Variants in NAALAD2 observed in about 807,000 individuals in gnomAD.
The protein encoded by NAALAD2 is N-acetylated-alpha-linked acidic dipeptidase 2.
In NAALAD2, 89 loss-of-function variants were observed where a neutral mutation model predicts 95.6. That is an observed-to-expected ratio of 0.93 (90% confidence interval 0.78 to 1.11). The LOEUF (loss-of-function observed/expected upper bound fraction) is 1.11, where lower values mean the gene tolerates loss of function less well. NAALAD2 is among the 50% of genes least tolerant of loss of function. The pLI is 0.00. For missense variants in NAALAD2, 894 were observed against 872.4 expected, an observed-to-expected ratio of 1.02 and a Z score of -0.31; for synonymous variants, 264 against 294.4, an observed-to-expected ratio of 0.90 and a Z score of 1.06.
intron 7 of NAALAD2, 137 bp from the exon 8 acceptor site, chr11:90,159,102 C>G: frequency 1.4e-6 from 1 of 690,388 alleles, no homozygotes; most frequent in Non-Finnish European, 2.5e-6. Context: ...AAAGGGCGGG[C>G]TTTTTGACAG....
chr11:90,150,609 T>G lies in NAALAD2; in HGVS notation c.609+2T>G. 6.3e-7 allele frequency: 1 copy of G among 1,580,978 alleles called. No homozygotes were observed. The highest frequency in any genetic ancestry group is 1.7e-5 in the Admixed American group (1 of 59,236). On this transcript the variant is annotated splice_donor_variant, in intron 5 of 18. Transcript: ENST00000534061. LOFTEE classifies it high-confidence loss of function. ...GGAAAAATCTTCAGAGGAAATAAAG[T>G]ACAGTATTATTTGTTTTTCTACAGA...
chr11:90,142,710 A>G (rs1951650013), intron 2 of NAALAD2, among the ~76,000 whole-genome samples: 1 of 152,084 alleles, frequency 6.6e-6, no homozygotes, highest in African/African-American at 2.4e-5. Flanking sequence ...TTAACATATA[A>G]TATAGTTATT....
Position 90,163,430 on chromosome 11 carries a change from G to T in NAALAD2, c.1195+1G>T, listed in dbSNP as rs767244851. On this transcript the variant is annotated splice_donor_variant, in intron 10 of 18. Coordinates refer to ENST00000534061, the MANE Select transcript of NAALAD2 (RefSeq NM_005467.4). LOFTEE classifies it high-confidence loss of function. The stretch of plus-strand genomic sequence containing the variant: ...AGTTTTGGAAAACTGATGAGTAAAG[G>T]TAAACAACCTTTCTTTCCTAGGTGA... 9.9e-6 allele frequency: 16 copies of T among 1,613,674 alleles called. No individual in the cohort carries two copies. The highest frequency in any genetic ancestry group is 1.6e-4 in the Middle Eastern group (1 of 6,078).
intron 16 of NAALAD2, 122 bp downstream of exon 16, chr11:90,178,239 C>T: frequency 1.8e-6 from 2 of 1,141,830 alleles, no homozygotes; most frequent in Non-Finnish European, 2.5e-6. Flanking sequence ...CTTATTTTGA[C>T]TTCTACACAA....
intron 17 of NAALAD2, among the ~76,000 whole-genome samples, chr11:90,182,001 A>G (rs1366878223): frequency 6.6e-6 from 1 of 151,754 alleles, no homozygotes; most frequent in African/African-American, 2.4e-5. Flanking sequence ...CTAAAAACTC[A>G]TCCCAAAGAG....
intron 6 of NAALAD2, among the ~76,000 whole-genome samples, chr11:90,152,890 T>C (rs1951927452): frequency 6.8e-6 from 1 of 147,610 alleles, no homozygotes; most frequent in Non-Finnish European, 1.5e-5. Context: ...AAAAATGAGT[T>C]TTTGTGTTAT....
intron 18 of NAALAD2, among the ~76,000 whole-genome samples, chr11:90,189,248 G>A (rs1857252258): frequency 6.6e-6 from 1 of 152,048 alleles, no homozygotes; most frequent in African/African-American, 2.4e-5. Flanking sequence ...ATGTGACCCT[G>A]ATCATACCTT....
rs1951409601 is a variant in NAALAD2 at position 90,134,688 on chromosome 11, G to T, written c.-71G>T. On this transcript the variant is annotated 5_prime_UTR_variant, in exon 1 of 19. Transcript: ENST00000534061. ...AGAGCTCACAGCCTCCTGCCAGCGCGCTCTCTGTTTCTCTGCAGCCCCGAA... is the reference window on the plus strand; with the variant it reads ...AGAGCTCACAGCCTCCTGCCAGCGCTCTCTCTGTTTCTCTGCAGCCCCGAA... The T allele has an allele frequency of 6.7e-6, 10 of 1,485,628 alleles. No individual in the cohort carries two copies. Among genetic ancestry groups the T allele is most frequent in the Non-Finnish European group, 9.4e-6 (10 of 1,066,578 alleles). 92.0% of individuals were successfully genotyped at this position (1,485,628 alleles called of 1,614,324 possible).
chr11:90,184,705 C>T (rs545582113), intron 18 of NAALAD2, among the ~76,000 whole-genome samples: 2 of 152,054 alleles, frequency 1.3e-5, no homozygotes, highest in South Asian at 4.2e-4. Flanking sequence ...CCCCTTGCCC[C>T]CTACACCCAG....
chr11:90,152,250 C>T lies in NAALAD2; in HGVS notation c.610-48C>T, dbSNP rs199601262. On this transcript the variant is annotated intron_variant, in intron 5 of 18. Transcript: ENST00000534061. ...TTAATGTCTTTCTTATATGAATAAG[C>T]CAACCATTTGCCATATCTGCATTAT... The T allele has an allele frequency of 2.0e-6, 3 of 1,495,328 alleles. No homozygotes were observed. In the South Asian group the frequency reaches 4.0e-5, roughly 20 times the overall value. 92.6% of individuals were successfully genotyped at this position (1,495,328 alleles called of 1,614,324 possible). A position where few individuals can be genotyped will look rare whatever the true frequency, so the allele number is the denominator to read the frequency against.
chr11:90,163,636 G>T lies in NAALAD2; in HGVS notation c.1278+19G>T. On this transcript the variant is annotated intron_variant, in intron 11 of 18. Coordinates refer to ENST00000534061, the MANE Select transcript of NAALAD2 (RefSeq NM_005467.4). ...GGCTGAGGTAAATAAGACAAAGAAG[G>T]TTCTTATTATTTTTTTGGTCAACAG... is the stretch of plus-strand genomic sequence containing the variant. 3 of 1,610,148 alleles carry T rather than the reference G, an allele frequency of 1.9e-6. No homozygotes were observed. The highest frequency in any genetic ancestry group is 1.7e-6 in the Non-Finnish European group (2 of 1,176,474).
intron 2 of NAALAD2, among the ~76,000 whole-genome samples, chr11:90,138,710 C>G (rs1403266671): frequency 2.2e-5 from 3 of 138,718 alleles, no homozygotes; most frequent in Non-Finnish European, 4.7e-5. Flanking sequence ...TATCATGAAA[C>G]CCTTCATCCC....
At chr11:90,163,972 AT>A (rs1172915077) in intron 11 of NAALAD2, 1 of 379,524 alleles carries the variant, frequency 2.6e-6, no homozygotes, top group Non-Finnish European at 4.6e-6. Flanking sequence ...CTTAGAGCTA[AT>A]TTTCAAGTTT....
intron 11 of NAALAD2, among the ~76,000 whole-genome samples, chr11:90,168,545 C>T (rs1255254494): frequency 6.6e-6 from 1 of 152,176 alleles, no homozygotes; most frequent in Non-Finnish European, 1.5e-5. Context: ...ATTGCCAGGC[C>T]TCACTTTTAG....
intron 13 of NAALAD2, among the ~76,000 whole-genome samples, chr11:90,171,904 G>A (rs1388514252): frequency 2.0e-5 from 3 of 152,126 alleles, no homozygotes; most frequent in African/African-American, 7.2e-5. Flanking sequence ...CTAGCCGAGT[G>A]TGGTGGCACA....
chr11:90,175,997 G>C lies in NAALAD2; in HGVS notation c.1528G>C (p.Asp510His), dbSNP rs1952779588. 6.2e-7 allele frequency: 1 copy of C among 1,613,470 alleles called. No homozygotes were observed. ...AATCAATAAGCTGGGATCTGGAAGTGACTTTGAAGCTTATTTTCAGAGACT... is the reference window on the plus strand; with the variant it reads ...AATCAATAAGCTGGGATCTGGAAGTCACTTTGAAGCTTATTTTCAGAGACT... ...PRINKLGSGS[D>H]FEAYFQRLGI... Residue 510 changes from aspartate to histidine, a missense_variant, in exon 15 of 19, where the codon GAC becomes CAC. Physicochemically the swap from Asp to His is moderately conservative, Grantham distance 81. Transcript: ENST00000534061.
intron 2 of NAALAD2, among the ~76,000 whole-genome samples, chr11:90,145,721 A>T (rs1395219152): frequency 6.6e-6 from 1 of 152,172 alleles, no homozygotes; most frequent in Non-Finnish European, 1.5e-5. Context: ...AGAAGTGGTG[A>T]TAGAGGGAGA....
chr11:90,131,884 G>C (rs1951357822), upstream of NAALAD2: 1 of 152,150 alleles, frequency 6.6e-6, no homozygotes, highest in Non-Finnish European at 1.5e-5. Context: ...TAGCTTCATT[G>C]AGAGACTGGT....
chr11:90,169,698 C>T (rs1198020847), intron 12 of NAALAD2: 3 of 176,480 alleles, frequency 1.7e-5, no homozygotes, highest in East Asian at 1.6e-4. Context: ...ACTGACATGG[C>T]TTTGTCTAAT....
Sources: gnomAD v4.1 joint callset for allele counts (sites outside exome capture counted in the v4.1 genomes callset) on GRCh38, gnomAD v4.1.1 for gene constraint, MANE v1.5 for transcripts, NCBI Gene and HGNC (gene_info 2026-07-23, HGNC 2026-07-21) for gene names.